Variants in ZNF268 observed in about 807,000 individuals in gnomAD.
ZNF268 encodes the protein zinc finger protein 3.
Under a neutral mutation model 29.3 loss-of-function variants are expected in ZNF268, and 20 were observed. The observed-to-expected ratio is 0.68, with a 90% CI of 0.48 to 0.99. The LOEUF (loss-of-function observed/expected upper bound fraction) is 0.99. Ranked by LOEUF, ZNF268 falls within the 50% of genes least tolerant of loss-of-function variation. The probability of loss-of-function intolerance (pLI) is 0.00; values close to 1 mark genes in which losing one functional copy is unlikely to be tolerated. For synonymous variants in ZNF268, 429 were observed against 376.9 expected, an observed-to-expected ratio of 1.14 and a Z score of -1.60; for missense variants, 1,240 against 1,121.6, an observed-to-expected ratio of 1.11 and a Z score of -1.51.
Position 133,210,136 on chromosome 12 carries a change from T to C in ZNF268, c.*5606T>C, listed in dbSNP as rs536339040. ...CAGCACTCAGGGTGCAGGCCTCACT[T>C]TTCCTCATCTTTTCCTCCTGTGGCC... is the stretch of plus-strand genomic sequence containing the variant. On this transcript the variant is annotated 3_prime_UTR_variant, in exon 6 of 6. Transcript: ENST00000536435. 1 of 152,354 alleles carries C rather than the reference T, an allele frequency of 6.6e-6. No homozygotes were observed. The highest frequency in any genetic ancestry group is 1.9e-4 in the East Asian group (1 of 5,178). The allele number at this position is 152,354 out of a possible 1,614,324, so 9.4% of individuals were successfully genotyped here.
At position 133,211,816 on chromosome 12, in the gene ZNF268, C is replaced by T. The variant is rs772136303; in HGVS notation, c.*7286C>T. 3.9e-5 allele frequency: 6 copies of T among 152,118 alleles called. No homozygotes were observed. Among genetic ancestry groups the T allele is most frequent in the Non-Finnish European group, 7.4e-5 (5 of 68,024 alleles). 9.4% of individuals were successfully genotyped at this position (152,118 alleles called of 1,614,324 possible). On this transcript the variant is annotated 3_prime_UTR_variant, in exon 6 of 6. Coordinates refer to ENST00000536435, the MANE Select transcript of ZNF268 (RefSeq NM_003415.3). ...CTTTGGAAGATAGTTTGACTTTTCC[C>T]CAAAGCTAAACAAAGCTTCACAATA...
intron 5 of ZNF268, chr12:133,193,358 A>G (rs931783743): frequency 6.1e-5 from 34 of 556,950 alleles, no homozygotes; most frequent in Admixed American, 9.4e-5. Context: ...GTCTCAGTCT[A>G]TTTGTGTTGC....
At chr12:133,200,833 G>C (rs1013742688) in intron 5 of ZNF268, among the ~76,000 whole-genome samples, 1 of 151,910 alleles carries the variant, frequency 6.6e-6, no homozygotes, top group South Asian at 2.1e-4. Flanking sequence ...AGCTTATTCT[G>C]CTAGACCTTG....
intron 3 of ZNF268, among the ~76,000 whole-genome samples, chr12:133,188,629 C>T (rs1042572960): frequency 2.6e-5 from 4 of 152,066 alleles, no homozygotes; most frequent in Non-Finnish European, 4.4e-5. Context: ...TTATGTGTAT[C>T]CTTTTTTTTA....
In ZNF268 at chr12:133,212,207, A is replaced by T. The variant is rs1304631977; in HGVS notation, c.*7677A>T. On this transcript the variant is annotated 3_prime_UTR_variant, in exon 6 of 6. Coordinates refer to ENST00000536435, the MANE Select transcript of ZNF268 (RefSeq NM_003415.3). ...ATCTGTGATTGATGACGGTTTGTAG[A>T]GGGCAGGGAGTGAGTTAAATAGGAG... 6.6e-6 allele frequency: 1 copy of T among 152,098 alleles called. No individual in the cohort carries two copies. The highest frequency in any genetic ancestry group is 1.5e-5 in the Non-Finnish European group (1 of 68,044). The allele number at this position is 152,098 out of a possible 1,614,324, so 9.4% of individuals were successfully genotyped here.
Position 133,204,391 on chromosome 12 carries a change from C to G in ZNF268, c.2705C>G (p.Ser902Cys), listed in dbSNP as rs1389150052. The G allele has an allele frequency of 1.9e-6, 3 of 1,571,464 alleles. No homozygotes were observed. The highest frequency in any genetic ancestry group is 2.6e-6 in the Non-Finnish European group (3 of 1,163,152). The change falls in exon 6 of 6, where the codon TCT becomes TGT. Residue 902 changes from serine (S) to cysteine (C), a missense_variant. Physicochemically the swap from Ser to Cys is moderately radical, Grantham distance 112. Coordinates refer to ENST00000536435, the MANE Select transcript of ZNF268 (RefSeq NM_003415.3). ...TGCAATGAATGTGGGAAAACCTTCT[C>G]TCAAAAATCAATTCTCAGTGCACAT... ...YGCNECGKTF[S>C]QKSILSAHQR...
intron 5 of ZNF268, among the ~76,000 whole-genome samples, chr12:133,192,508 T>A (rs994709709): frequency 7.2e-5 from 11 of 152,204 alleles, no homozygotes; most frequent in African/African-American, 2.4e-4. Flanking sequence ...AAGCCTTTCC[T>A]CTTTCCTTCA....
chr12:133,184,685 C>G (rs1214534597), intron 2 of ZNF268: 1 of 451,778 alleles, frequency 2.2e-6, no homozygotes, highest in Non-Finnish European at 4.5e-6. Flanking sequence ...GTGGCTATCT[C>G]TGCTCACCAC....
At chr12:133,193,649 C>T (rs1434065430) in intron 5 of ZNF268, 1 of 455,272 alleles carries the variant, frequency 2.2e-6, no homozygotes, top group East Asian at 3.3e-5. Context: ...TCTCTTAATA[C>T]CACCACAATG....
In ZNF268 at chr12:133,182,002, C is replaced by T. The variant is rs964414031; in HGVS notation, c.5C>T (p.Ala2Val). ...CACACAAAACTGACCGTAGGGATGG[C>T]CACCAGGGTCCGGACAGCTTCTATT... M[A>V]TRVRTASIWV... Residue 2 changes from alanine to valine, a missense_variant, in exon 2 of 6, where the codon GCC becomes GTC. Transcript: ENST00000536435. 5.1e-6 allele frequency: 8 copies of T among 1,565,710 alleles called. No homozygotes were observed. Among genetic ancestry groups the T allele is most frequent in the Non-Finnish European group, 6.9e-6 (8 of 1,154,836 alleles).
chr12:133,193,042 C>A (rs1334769354), intron 5 of ZNF268, among the ~76,000 whole-genome samples: 1 of 152,226 alleles, frequency 6.6e-6, no homozygotes, highest in African/African-American at 2.4e-5. Context: ...CCTGCAGTGA[C>A]ACCTGTTGAT....
intron 2 of ZNF268, among the ~76,000 whole-genome samples, chr12:133,185,114 G>A (rs1408625448): frequency 6.6e-6 from 1 of 150,602 alleles, no homozygotes; most frequent in African/African-American, 2.4e-5. Flanking sequence ...AACCCCAGGA[G>A]TAGGAGGTTG....
At position 133,181,551 on chromosome 12, in the gene ZNF268, G is replaced by A. The variant is rs567102027; in HGVS notation, c.-188G>A. 3.8e-5 allele frequency: 6 copies of A among 159,892 alleles called. No homozygotes were observed. The highest frequency in any genetic ancestry group is 6.8e-5 in the Non-Finnish European group (5 of 73,362). 9.9% of individuals were successfully genotyped at this position (159,892 alleles called of 1,614,324 possible). A position where few individuals can be genotyped will look rare whatever the true frequency, so the allele number is the denominator to read the frequency against. ...TGGCGAGATCCTTGTTCCTCAGATA[G>A]CGTTCATCGCCCGTCGTGGTCAACG... On this transcript the variant is annotated 5_prime_UTR_variant, in exon 1 of 6. An upstream open reading frame in the 5' UTR loses its in-frame stop. Transcript: ENST00000536435.
In ZNF268 at chr12:133,202,650, C is replaced by T; in HGVS notation, c.964C>T (p.His322Tyr). ...CAGTAGTAAATCATACCTCATTGTA[C>T]ATCAGAGAATTCATACAGGAGAGAA... ...DFSSKSYLIVHQRIHTGEKLH... is the reference protein window; with the variant it reads ...DFSSKSYLIVYQRIHTGEKLH... Residue 322 changes from histidine to tyrosine, a missense_variant, in exon 6 of 6, where the codon CAT becomes TAT. Coordinates refer to ENST00000536435, the MANE Select transcript of ZNF268 (RefSeq NM_003415.3). 6.2e-7 allele frequency: 1 copy of T among 1,605,920 alleles called. No homozygotes were observed. Among genetic ancestry groups the T allele is most frequent in the Non-Finnish European group, 8.5e-7 (1 of 1,175,746 alleles).
chr12:133,196,505 C>G (rs1956602987), intron 5 of ZNF268, among the ~76,000 whole-genome samples: 1 of 151,868 alleles, frequency 6.6e-6, no homozygotes, highest in East Asian at 1.9e-4. Flanking sequence ...GATACAGGAA[C>G]CGAGCAAAGA....
At position 133,204,515 on chromosome 12, in the gene ZNF268, A is replaced by C; in HGVS notation, c.2829A>C (p.Val943=). 6.6e-7 allele frequency: 1 copy of C among 1,508,670 alleles called. No homozygotes were observed. Among genetic ancestry groups the C allele is most frequent in the South Asian group, 1.3e-5 (1 of 79,372 alleles). 93.5% of individuals were successfully genotyped at this position (1,508,670 alleles called of 1,614,324 possible). A position where few individuals can be genotyped will look rare whatever the true frequency, so the allele number is the denominator to read the frequency against. ...SQLIMHQRTH[V]DDKH is the part of the protein sequence containing the mutation. ...TCATTATGCATCAGAGAACTCATGTAGATGACAAACATTGATAATTTTACG... is the reference window on the plus strand; with the variant it reads ...TCATTATGCATCAGAGAACTCATGTCGATGACAAACATTGATAATTTTACG... Residue 943 remains valine, a synonymous_variant, in exon 6 of 6, where the codon GTA becomes GTC. Coordinates refer to ENST00000536435, the MANE Select transcript of ZNF268 (RefSeq NM_003415.3).
chr12:133,189,251 G>A (rs1956402116), intron 3 of ZNF268, among the ~76,000 whole-genome samples: 1 of 131,894 alleles, frequency 7.6e-6, no homozygotes, highest in Admixed American at 8.7e-5. Context: ...GTCTTGCTCT[G>A]TCACTCAGGC....
intron 5 of ZNF268, 87 bp from the exon 6 acceptor site, chr12:133,202,057 G>A (rs1468143467): frequency 9.2e-7 from 1 of 1,092,234 alleles, no homozygotes; most frequent in Non-Finnish European, 1.3e-6. Flanking sequence ...TATAACATGT[G>A]ACTAATTGTT....
rs1956948318 is a variant in ZNF268, at chr12:133,209,352, C to T, written c.*4822C>T. On this transcript the variant is annotated 3_prime_UTR_variant, in exon 6 of 6. Transcript: ENST00000536435. ...CAAACTCCTGGGCTCAAGCAGTCCA[C>T]CTGCCTTGGCCTCCCAAAGTGCTAG... 2 of 152,188 alleles carry T rather than the reference C, an allele frequency of 1.3e-5. No individual in the cohort carries two copies. Among genetic ancestry groups the T allele is most frequent in the South Asian group, 2.1e-4 (1 of 4,836 alleles). The allele number at this position is 152,188 out of a possible 1,614,324, so 9.4% of individuals were successfully genotyped here. A position where few individuals can be genotyped will look rare whatever the true frequency, so the allele number is the denominator to read the frequency against.
Sources: allele counts gnomAD v4.1 joint callset (sites outside exome capture counted in the v4.1 genomes callset), GRCh38; gene constraint gnomAD v4.1.1; transcripts MANE v1.5; gene names NCBI Gene and HGNC (gene_info 2026-07-23, HGNC 2026-07-21).